NBAS: variants seen among roughly 807,000 people sequenced by gnomAD.
The protein encoded by NBAS is NBAS subunit of NRZ tethering complex, also known as NAG/BC035112 fusion.
Under a neutral mutation model 302.5 loss-of-function variants are expected in NBAS, and 219 were observed. The observed-to-expected ratio is 0.72, with a 90% CI of 0.65 to 0.81. The LOEUF is 0.81. Among genes scored for constraint, NBAS ranks in the 30% least tolerant of loss-of-function variants. NBAS has a pLI of 0.00. For synonymous variants in NBAS, 1,118 were observed against 1,021.6 expected, an observed-to-expected ratio of 1.09 and a Z score of -1.80; for missense variants, 2,932 against 2,841.6, an observed-to-expected ratio of 1.03 and a Z score of -0.72.
In NBAS at chr2:15,188,269, T is replaced by A. The variant is rs572143116; in HGVS notation, c.6573-1389A>T. Among the ~76,000 whole-genome samples the A allele has an allele frequency of 1.1e-4, 17 of 152,346 alleles. No individual in the cohort carries two copies. The South Asian group carries it at 2.5e-3, about 22-fold the overall frequency. On this transcript the variant is annotated intron_variant, in intron 49 of 51. Transcript: ENST00000281513. ...AACCAAAGTTGGTACTAGTAAATTA[T>A]AGTCATGTGGATCAAACAAATGTCT...
intron 44 of NBAS, among the ~76,000 whole-genome samples, chr2:15,275,095 A>G (rs1471785912): frequency 1.3e-5 from 2 of 152,048 alleles, no homozygotes; most frequent in African/African-American, 2.4e-5. Flanking sequence ...TAACTTTTTT[A>G]AAGACTCAGG....
chr2:15,206,455 T>C (rs1354253894), intron 48 of NBAS, among the ~76,000 whole-genome samples: 1 of 151,458 alleles, frequency 6.6e-6, no homozygotes, highest in African/African-American at 2.4e-5. Context: ...TGAGGAGAAA[T>C]TCAAGCCAGC....
the NBAS span, among the ~76,000 whole-genome samples, chr2:15,119,472 C>T: frequency 1.3e-5 from 2 of 152,026 alleles, no homozygotes. Flanking sequence ...TCCTGAGTAG[C>T]TGGGACTACA....
intron 44 of NBAS, among the ~76,000 whole-genome samples, chr2:15,259,695 C>T (rs979102278): frequency 1.3e-5 from 2 of 152,198 alleles, no homozygotes; most frequent in African/African-American, 4.8e-5. Context: ...TGCACAACTA[C>T]CTGCTGTCAT....
chr2:15,443,636 T>A (rs1268339090), intron 21 of NBAS, among the ~76,000 whole-genome samples: 1 of 150,692 alleles, frequency 6.6e-6, no homozygotes, highest in African/African-American at 2.5e-5. Context: ...CAACATAGTG[T>A]TGGAAGTTCT....
intron 26 of NBAS, 23 bp from the exon 27 acceptor site, chr2:15,396,498 A>C: frequency 6.5e-7 from 1 of 1,530,056 alleles, no homozygotes; most frequent in Non-Finnish European, 8.8e-7. Flanking sequence ...AAGAAGAAAA[A>C]AAAAAGCCCT....
intron 21 of NBAS, among the ~76,000 whole-genome samples, chr2:15,451,037 T>C (rs1201748909): frequency 1.3e-5 from 2 of 152,134 alleles, no homozygotes; most frequent in African/African-American, 2.4e-5. Flanking sequence ...CATTCATTCA[T>C]TCATTCATTC....
At chr2:15,034,235 G>GGAAAGAAAGAAGGAAA in the NBAS span, among the ~76,000 whole-genome samples, 4 of 81,730 alleles carry the variant, frequency 4.9e-5, no homozygotes, top group Admixed American at 2.7e-4. Flanking sequence ...AAAGAAAGAA[G>GGAAAGAAAGAAGGAAA]GAAAGAAAGA....
intron 21 of NBAS, among the ~76,000 whole-genome samples, chr2:15,459,772 C>T (rs1679427125): frequency 6.6e-6 from 1 of 152,144 alleles, no homozygotes; most frequent in Non-Finnish European, 1.5e-5. Context: ...AGCCACCGCA[C>T]CTGGCCCTTT....
chr2:15,091,970 G>A, the NBAS span, among the ~76,000 whole-genome samples: 1 of 152,190 alleles, frequency 6.6e-6, no homozygotes. Context: ...GTTAACAATA[G>A]GCTATTAGCT....
intron 40 of NBAS, among the ~76,000 whole-genome samples, chr2:15,306,961 T>C (rs1671060114): frequency 1.3e-5 from 2 of 152,226 alleles, no homozygotes. Context: ...ATAGTTTGTG[T>C]GACTTGAGAA....
the NBAS span, among the ~76,000 whole-genome samples, chr2:15,159,249 T>C: frequency 2.6e-5 from 4 of 152,164 alleles, no homozygotes; most frequent in African/African-American, 7.2e-5. Context: ...AGTTCAGATG[T>C]CTTTCATAGA....
chr2:15,236,494 A>G (rs887997018), intron 45 of NBAS, among the ~76,000 whole-genome samples: 1 of 123,376 alleles, frequency 8.1e-6, no homozygotes, highest in Non-Finnish European at 1.6e-5. Context: ...GGCTGCAGTG[A>G]GTGAGCCTGG....
the NBAS span, among the ~76,000 whole-genome samples, chr2:14,921,504 A>C: frequency 2.0e-5 from 3 of 152,204 alleles, no homozygotes; most frequent in Non-Finnish European, 4.4e-5. Context: ...CTAGAAATTA[A>C]ACTTAAAAAT....
intron 44 of NBAS, among the ~76,000 whole-genome samples, chr2:15,267,086 ATTTC>A (rs1375911470): frequency 6.6e-6 from 1 of 152,188 alleles, no homozygotes; most frequent in Non-Finnish European, 1.5e-5. Flanking sequence ...CCCAGAAGCT[ATTTC>A]TTGACATTCA....
the NBAS span, among the ~76,000 whole-genome samples, chr2:15,154,936 C>G: frequency 6.6e-6 from 1 of 152,208 alleles, no homozygotes; most frequent in Non-Finnish European, 1.5e-5. Context: ...GCCGGTGATT[C>G]TTAAGGACTT....
At chr2:14,791,161 T>A in the NBAS span, among the ~76,000 whole-genome samples, 1 of 151,684 alleles carries the variant, frequency 6.6e-6, no homozygotes, top group Admixed American at 6.6e-5. Context: ...GGCCCTAATT[T>A]TGTGTTTTCA....
At chr2:14,883,371 T>G in the NBAS span, among the ~76,000 whole-genome samples, 1 of 152,206 alleles carries the variant, frequency 6.6e-6, no homozygotes, top group Non-Finnish European at 1.5e-5. Flanking sequence ...GAATAATATA[T>G]CTCAAATTTT....
the NBAS span, among the ~76,000 whole-genome samples, chr2:14,977,945 A>G: frequency 2.6e-5 from 4 of 152,058 alleles, no homozygotes; most frequent in African/African-American, 9.7e-5. Context: ...CTTGGTGCAA[A>G]TGTTTTTATG....
Sources: gnomAD v4.1 joint callset for allele counts (sites outside exome capture counted in the v4.1 genomes callset) on GRCh38, gnomAD v4.1.1 for gene constraint, MANE v1.5 for transcripts, NCBI Gene and HGNC (gene_info 2026-07-23, HGNC 2026-07-21) for gene names.